GATAD2A: variants seen among roughly 807,000 people sequenced by gnomAD.
GATAD2A encodes the protein GATA zinc finger domain containing 2A.
GATAD2A carries 12 observed loss-of-function variants against 68.5 expected under a neutral mutation model. That is an observed-to-expected ratio of 0.18 (90% CI 0.11 to 0.28). GATAD2A has a LOEUF of 0.28. Ranked by LOEUF, GATAD2A falls within the 10% of genes least tolerant of loss-of-function variation. The pLI, the probability that GATAD2A is intolerant of heterozygous loss-of-function variation, is 1.00. For missense variants in GATAD2A, 755 were observed against 868.5 expected, an observed-to-expected ratio of 0.87 and a Z score of 1.64; for synonymous variants, 410 against 375.3, an observed-to-expected ratio of 1.09 and a Z score of -1.07.
In GATAD2A at chr19:19,438,902, G is replaced by T. The variant is rs116527173; in HGVS notation, c.-6-26438G>T. On this transcript the variant is annotated intron_variant, in intron 1 of 11. Coordinates refer to ENST00000683918, the MANE Select transcript of GATAD2A (RefSeq NM_001384528.1). ...TGTGTGCACTTTTTGTTGTGGGTGT[G>T]TAAGACAGCCCAGCATATTGATAGA... 9.6e-3 allele frequency among the ~76,000 whole-genome samples: 1,469 copies of T among 152,368 alleles called. 28 individuals are homozygous for T. The highest frequency in any genetic ancestry group is 0.033 in the African/African-American group (1,371 of 41,584).
In GATAD2A at chr19:19,405,709, C is replaced by T. The variant is rs1045615448; in HGVS notation, c.-317C>T. 5 of 151,766 alleles carry T rather than the reference C, an allele frequency of 3.3e-5. No homozygotes were observed. The highest frequency in any genetic ancestry group is 9.7e-5 in the African/African-American group (4 of 41,356). 9.4% of individuals were successfully genotyped at this position (151,766 alleles called of 1,614,324 possible). On this transcript the variant is annotated 5_prime_UTR_variant, in exon 1 of 12. Transcript: ENST00000683918. The stretch of plus-strand genomic sequence containing the variant: ...CCAGCCGGGCGCGGGCGGGCGGCGT[C>T]GCCTTTAAGAGCTCCCCGGTGTTTT...
At chr19:19,452,309 G>A (rs77869427) in intron 1 of GATAD2A, among the ~76,000 whole-genome samples, 5 of 152,182 alleles carry the variant, frequency 3.3e-5, no homozygotes, top group Non-Finnish European at 5.9e-5. Flanking sequence ...GTGGGGCCAA[G>A]GAGTCCCTGC....
At chr19:19,429,365 G>T (rs971244291) in intron 1 of GATAD2A, 1 of 295,038 alleles carries the variant, frequency 3.4e-6, no homozygotes, top group Non-Finnish European at 5.0e-6. Flanking sequence ...GGCACGGGGA[G>T]TAGGCAGGCG....
In GATAD2A at chr19:19,436,081, A is replaced by G. The variant is rs923737274; in HGVS notation, c.-6-29259A>G. The G allele has an allele frequency of 3.9e-6, 4 of 1,016,588 alleles. No homozygotes were observed. The African/African-American group carries it at 4.9e-5, about 13-fold the overall frequency. 63.0% of individuals were successfully genotyped at this position (1,016,588 alleles called of 1,614,324 possible). A position where few individuals can be genotyped will look rare whatever the true frequency, so the allele number is the denominator to read the frequency against. ...CATTTTAGAAATGCCAGTATGTTCC[A>G]GAAACCTTGCTTGGAAACACAGTGT... is the stretch of plus-strand genomic sequence containing the variant. On this transcript the variant is annotated intron_variant, in intron 1 of 11. Coordinates refer to ENST00000683918, the MANE Select transcript of GATAD2A (RefSeq NM_001384528.1).
In GATAD2A at chr19:19,501,124, G is replaced by T; in HGVS notation, c.1211G>T (p.Arg404Met). ...VQNLLETQAG[R>M]MSAATVLSRE... Reference sequence around the variant, plus strand: ...ATGTGCTGTCTGCTTGCAGCAGGCAGGATGTCGGCCGCCACTGTGCTGTCC... The same window carrying T: ...ATGTGCTGTCTGCTTGCAGCAGGCATGATGTCGGCCGCCACTGTGCTGTCC... The change falls in exon 9 of 12, where the codon AGG (arginine) becomes ATG (methionine). Residue 404 changes from arginine to methionine, a missense_variant. Coordinates refer to ENST00000683918, the MANE Select transcript of GATAD2A (RefSeq NM_001384528.1). The T allele has an allele frequency of 1.2e-6, 2 of 1,607,798 alleles. No homozygotes were observed. The highest frequency in any genetic ancestry group is 1.7e-6 in the Non-Finnish European group (2 of 1,175,548).
intron 2 of GATAD2A, among the ~76,000 whole-genome samples, chr19:19,484,481 C>T (rs1247417132): frequency 6.7e-6 from 1 of 149,800 alleles, no homozygotes; most frequent in Non-Finnish European, 1.5e-5. Context: ...GAACTGATAA[C>T]TGTGTCCTTT....
chr19:19,473,774 TAAAAAAAAA>T (rs1192789940), intron 2 of GATAD2A, among the ~76,000 whole-genome samples: 3 of 123,384 alleles, frequency 2.4e-5, no homozygotes, highest in Non-Finnish European at 5.1e-5. Context: ...CGTCTCTACT[TAAAAAAAAA>T]AAAAAAAAAA....
At chr19:19,488,155 G>A (rs1439103076) in intron 2 of GATAD2A, among the ~76,000 whole-genome samples, 3 of 152,212 alleles carry the variant, frequency 2.0e-5, no homozygotes, top group Non-Finnish European at 4.4e-5. Context: ...TACAAGTTCC[G>A]GAGAAGCTGC....
intron 6 of GATAD2A, 51 bp from the exon 7 acceptor site, chr19:19,496,001 C>T (rs781180125): frequency 1.9e-6 from 3 of 1,595,396 alleles, no homozygotes; most frequent in East Asian, 4.5e-5. Flanking sequence ...CGGTCCCGCT[C>T]CATTGTTGAT....
intron 1 of GATAD2A, among the ~76,000 whole-genome samples, chr19:19,395,084 G>C (rs1024568040): frequency 6.6e-6 from 1 of 152,232 alleles, no homozygotes; most frequent in African/African-American, 2.4e-5. Flanking sequence ...CCCTTGGGAA[G>C]TGGATGCTTG....
chr19:19,387,646 T>C (rs540620012), intron 1 of GATAD2A, among the ~76,000 whole-genome samples: 1 of 152,050 alleles, frequency 6.6e-6, no homozygotes, highest in Non-Finnish European at 1.5e-5. Flanking sequence ...GCCTTCACTT[T>C]CCTGAGGGGG....
intron 1 of GATAD2A, among the ~76,000 whole-genome samples, chr19:19,400,474 C>T (rs186863590): frequency 3.3e-5 from 5 of 152,170 alleles, no homozygotes; most frequent in Non-Finnish European, 7.4e-5. Context: ...GGGCTACTGA[C>T]CCATGTCCCA....
At chr19:19,453,085 G>A (rs2056557180) in intron 1 of GATAD2A, among the ~76,000 whole-genome samples, 1 of 152,200 alleles carries the variant, frequency 6.6e-6, no homozygotes, top group African/African-American at 2.4e-5. Context: ...TCAGTGGTGT[G>A]TTTGGTTCAC....
chr19:19,504,638 T>TC (rs1302499154), intron 11 of GATAD2A, among the ~76,000 whole-genome samples: 3 of 140,992 alleles, frequency 2.1e-5, no homozygotes, highest in Non-Finnish European at 4.5e-5. Context: ...AGTTTTTTTT[T>TC]CCTTTTTTTT....
chr19:19,410,109 C>T (rs1476566383), intron 1 of GATAD2A, among the ~76,000 whole-genome samples: 4 of 152,188 alleles, frequency 2.6e-5, no homozygotes, highest in Non-Finnish European at 5.9e-5. Context: ...GCTGTACCCC[C>T]TTTGTCTCTC....
At chr19:19,400,968 C>G (rs1017613220), upstream of GATAD2A, among the ~76,000 whole-genome samples, 2 of 151,926 alleles carry the variant, frequency 1.3e-5, no homozygotes, top group Non-Finnish European at 2.9e-5. Context: ...TGGCGAAACC[C>G]TGTCTCTACT....
Position 19,426,657 on chromosome 19 carries a change from CACACCCCTACCCCTGGCAA to C in GATAD2A, c.-7+20640_-7+20658del, listed in dbSNP as rs764002319. Among the ~76,000 whole-genome samples the C allele has an allele frequency of 1.2e-4, 18 of 152,166 alleles. 1 individual carries two copies. On this transcript the variant is annotated intron_variant, in intron 1 of 11. Coordinates refer to ENST00000683918, the MANE Select transcript of GATAD2A (RefSeq NM_001384528.1). ...TCCCGAGTAGCTGAGACTACAGGCA[CACACCCCTACCCCTGGCAA>C]ATTTTTTTTGTATTTTTAATGGAGA...
upstream of GATAD2A, among the ~76,000 whole-genome samples, chr19:19,401,339 G>A (rs1005830193): frequency 6.8e-6 from 1 of 147,368 alleles, no homozygotes; most frequent in Non-Finnish European, 1.5e-5. Context: ...TCAGCCTCCC[G>A]AGTAGCTGGG....
intron 1 of GATAD2A, among the ~76,000 whole-genome samples, chr19:19,427,298 A>G (rs928715391): frequency 4.6e-5 from 7 of 152,184 alleles, no homozygotes; most frequent in African/African-American, 1.7e-4. Flanking sequence ...TGTACGTTTT[A>G]CCACAATAAA....
Sources: allele counts gnomAD v4.1 joint callset (sites outside exome capture counted in the v4.1 genomes callset), GRCh38; gene constraint gnomAD v4.1.1; transcripts MANE v1.5; gene names NCBI Gene and HGNC (gene_info 2026-07-23, HGNC 2026-07-21).